The following GPM6A variants were observed in gnomAD, a reference collection of about 807,000 sequenced individuals.
GPM6A encodes neuronal membrane glycoprotein M6-a.
Under a neutral mutation model 32.1 loss-of-function variants are expected in GPM6A, and 7 were observed. The ratio of observed to expected loss-of-function variants is 0.22; its 90% CI spans 0.12 to 0.41. The LOEUF (loss-of-function observed/expected upper bound fraction) is 0.41, where lower values mean the gene tolerates loss of function less well. Among genes scored for constraint, GPM6A ranks in the 10% least tolerant of loss-of-function variants. The pLI is 1.00. For synonymous variants in GPM6A, 130 were observed against 123.4 expected (o/e 1.05, Z -0.35); for missense variants, 235 against 347.2 (o/e 0.68, Z 2.57).
At chr4:175,682,433 G>A (rs377324008) in intron 2 of GPM6A, among the ~76,000 whole-genome samples, 31 of 152,296 alleles carry the variant, frequency 2.0e-4, no homozygotes, top group East Asian at 3.9e-4. Flanking sequence ...CAAGCAGGAC[G>A]TGGAGCAATC....
chr4:175,860,785 T>C (rs750651072), intron 1 of GPM6A, among the ~76,000 whole-genome samples: 1 of 152,204 alleles, frequency 6.6e-6, no homozygotes, highest in Non-Finnish European at 1.5e-5. Context: ...CAGGAAAATC[T>C]TTCCTTAATG....
intron 1 of GPM6A, among the ~76,000 whole-genome samples, chr4:175,824,386 C>T (rs1471774146): frequency 6.6e-6 from 1 of 152,134 alleles, no homozygotes; most frequent in Non-Finnish European, 1.5e-5. Flanking sequence ...CAGTAAGCAA[C>T]CCGCTGCCAT....
chr4:175,650,274 ATTTATTTATTTATTTATTTAT>A (rs1212707280), intron 4 of GPM6A, among the ~76,000 whole-genome samples: 3 of 4,786 alleles, frequency 6.3e-4, no homozygotes, highest in East Asian at 0.17. Context: ...TCATTATTTT[ATTTATTTATTTATTTATTTAT>A]TTATTTATTT....
intron 1 of GPM6A, among the ~76,000 whole-genome samples, chr4:175,998,149 C>CTT (rs71595498): frequency 6.8e-6 from 1 of 147,808 alleles, no homozygotes; most frequent in African/African-American, 2.5e-5. Flanking sequence ...GCTATTACCT[C>CTT]TTTTTTTTTT....
At chr4:175,707,688 G>A (rs1170873425) in intron 1 of GPM6A, among the ~76,000 whole-genome samples, 3 of 150,492 alleles carry the variant, frequency 2.0e-5, no homozygotes, top group Admixed American at 6.6e-5. Context: ...ATTGTCTTAC[G>A]CTATTGGATA....
At chr4:175,767,230 T>C (rs1021041389) in intron 1 of GPM6A, among the ~76,000 whole-genome samples, 3 of 152,176 alleles carry the variant, frequency 2.0e-5, no homozygotes, top group Non-Finnish European at 4.4e-5. Context: ...AGAGAGTTTA[T>C]AGAAAAGATC....
intron 1 of GPM6A, among the ~76,000 whole-genome samples, chr4:175,911,344 G>A (rs917814810): frequency 2.0e-5 from 3 of 152,018 alleles, no homozygotes; most frequent in Admixed American, 6.6e-5. Context: ...AATATAATAC[G>A]TTTCATGTCC....
intron 3 of GPM6A, among the ~76,000 whole-genome samples, chr4:175,660,073 A>G (rs1357117669): frequency 2.0e-5 from 3 of 152,102 alleles, no homozygotes; most frequent in Admixed American, 2.0e-4. Flanking sequence ...AGATGAGGAC[A>G]AGTAAAAGAT....
intron 1 of GPM6A, among the ~76,000 whole-genome samples, chr4:175,781,049 G>T (rs571904837): frequency 6.6e-6 from 1 of 151,992 alleles, no homozygotes; most frequent in African/African-American, 2.4e-5. Context: ...GAAATACATA[G>T]TTCATCACCA....
intron 1 of GPM6A, among the ~76,000 whole-genome samples, chr4:175,955,580 G>A (rs146880756): frequency 1.4e-3 from 213 of 152,254 alleles, no homozygotes; most frequent in Admixed American, 0.011. Context: ...TTTTCAGGAA[G>A]ATTTATTTTC....
Position 175,745,767 on chromosome 4 carries a change from A to G in GPM6A, c.38-44000T>C, listed in dbSNP as rs193219905. 2.0e-5 allele frequency among the ~76,000 whole-genome samples: 3 copies of G among 152,350 alleles called. No homozygotes were observed. The East Asian group carries it at 5.8e-4, about 29-fold the overall frequency. On this transcript the variant is annotated intron_variant, in intron 1 of 6. Coordinates refer to ENST00000393658, the MANE Select transcript of GPM6A (RefSeq NM_201591.3). ...GGAGAGAAATAACATCACCACTGAT[A>G]TTACCAAGGTGTACGTTGCGAAGTA...
At chr4:175,905,361 G>T (rs1295270643) in intron 1 of GPM6A, among the ~76,000 whole-genome samples, 1 of 151,974 alleles carries the variant, frequency 6.6e-6, no homozygotes, top group Non-Finnish European at 1.5e-5. Flanking sequence ...TTTCTTAAAA[G>T]GTTCTAAGTT....
intron 1 of GPM6A, among the ~76,000 whole-genome samples, chr4:175,743,116 G>A (rs1450304964): frequency 6.6e-6 from 1 of 151,630 alleles, no homozygotes; most frequent in African/African-American, 2.4e-5. Flanking sequence ...AATAATGCCA[G>A]AAAGAAGGAC....
At chr4:175,955,472 C>T (rs1739955150) in intron 1 of GPM6A, among the ~76,000 whole-genome samples, 1 of 152,144 alleles carries the variant, frequency 6.6e-6, no homozygotes, top group Non-Finnish European at 1.5e-5. Context: ...CAAGCTAATA[C>T]ATGTAAAGCA....
At chr4:175,664,835 G>A (rs1042222500) in intron 3 of GPM6A, among the ~76,000 whole-genome samples, 2 of 152,090 alleles carry the variant, frequency 1.3e-5, no homozygotes, top group Non-Finnish European at 2.9e-5. Flanking sequence ...TTCATCATTA[G>A]GCAATTTAGT....
intron 1 of GPM6A, among the ~76,000 whole-genome samples, chr4:175,952,625 A>G (rs1739852282): frequency 6.6e-6 from 1 of 152,224 alleles, no homozygotes; most frequent in African/African-American, 2.4e-5. Context: ...ATTTTTGTGT[A>G]CATCTTTCCT....
At chr4:175,638,539 A>T (rs1264716081) in intron 6 of GPM6A, among the ~76,000 whole-genome samples, 1 of 152,148 alleles carries the variant, frequency 6.6e-6, no homozygotes, top group Admixed American at 6.6e-5. Context: ...ATAAATTTCT[A>T]TCATCTCAAA....
chr4:175,827,753 T>G (rs968188851), intron 1 of GPM6A, among the ~76,000 whole-genome samples: 1 of 152,312 alleles, frequency 6.6e-6, no homozygotes, highest in South Asian at 2.1e-4. Context: ...CCATGACCTC[T>G]TTAAGGTTCT....
chr4:175,821,028 G>A (rs1335925094), intron 1 of GPM6A, among the ~76,000 whole-genome samples: 1 of 151,978 alleles, frequency 6.6e-6, no homozygotes, highest in African/African-American at 2.4e-5. Context: ...GGAATCATTG[G>A]GTAGGAGATT....
Sources: gnomAD v4.1 joint callset for allele counts (sites outside exome capture counted in the v4.1 genomes callset) on GRCh38, gnomAD v4.1.1 for gene constraint, MANE v1.5 for transcripts, NCBI Gene and HGNC (gene_info 2026-07-23, HGNC 2026-07-21) for gene names.